The following NUMBL variants were observed in gnomAD, a reference collection of about 807,000 sequenced individuals.
NUMBL encodes NUMB like endocytic adaptor protein, also known as numb-like protein.
NUMBL carries 20 observed loss-of-function variants against 48.9 expected under a neutral mutation model. The ratio of observed to expected loss-of-function variants is 0.41; its 90% CI spans 0.29 to 0.59. The LOEUF (loss-of-function observed/expected upper bound fraction) is 0.59, where lower values mean the gene tolerates loss of function less well. Among genes scored for constraint, NUMBL ranks in the 20% least tolerant of loss-of-function variants. The probability of loss-of-function intolerance (pLI) is 0.31; values close to 1 mark genes in which losing one functional copy is unlikely to be tolerated. For synonymous variants in NUMBL, 340 were observed against 348.7 expected, an observed-to-expected ratio of 0.98 and a Z score of 0.28; for missense variants, 660 against 846.2, an observed-to-expected ratio of 0.78 and a Z score of 2.73.
chr19:40,669,955 T>C lies in NUMBL; in HGVS notation c.1102A>G (p.Ser368Gly). ...GCTCCAGCACTGGCAAAAGATGAACTGATCTGTGTGCACAGAGCGTTGATG... is the reference window on the plus strand; with the variant it reads ...GCTCCAGCACTGGCAAAAGATGAACCGATCTGTGTGCACAGAGCGTTGATG... Reference protein sequence around the residue: ...DSINALCTQISSSFASAGAPA... With the variant: ...DSINALCTQIGSSFASAGAPA... Residue 368 changes from serine to glycine, a missense_variant, in exon 9 of 10, where the codon AGT becomes GGT. Physicochemically the swap from Ser to Gly is moderately conservative, Grantham distance 56. Transcript: ENST00000252891. 6.2e-7 allele frequency: 1 copy of C among 1,614,090 alleles called. No individual in the cohort carries two copies. Among genetic ancestry groups the C allele is most frequent in the Non-Finnish European group, 8.5e-7 (1 of 1,179,964 alleles).
chr19:40,670,063 C>T, intron 8 of NUMBL, 43 bp from the exon 9 acceptor site: 1 of 1,599,170 alleles, frequency 6.3e-7, no homozygotes, highest in Non-Finnish European at 8.5e-7. Flanking sequence ...CAGGCCCAGA[C>T]CCTGCCGCAG....
At chr19:40,668,634 A>G (rs2081829973) in intron 9 of NUMBL, among the ~76,000 whole-genome samples, 1 of 151,776 alleles carries the variant, frequency 6.6e-6, no homozygotes, top group Non-Finnish European at 1.5e-5. Flanking sequence ...GATTTTTTGT[A>G]TTTTTAGTAG....
At chr19:40,678,848 C>T (rs568941059) in intron 6 of NUMBL, among the ~76,000 whole-genome samples, 2 of 152,240 alleles carry the variant, frequency 1.3e-5, no homozygotes, top group African/African-American at 4.8e-5. Flanking sequence ...CCTGTAATCC[C>T]AGGAGGCCGA....
chr19:40,682,813 G>A lies in NUMBL; in HGVS notation c.325-11C>T, dbSNP rs1359630787. The A allele has an allele frequency of 6.2e-7, 1 of 1,614,152 alleles. No individual in the cohort carries two copies. On this transcript the variant is annotated splice_polypyrimidine_tract_variant and intron_variant, in intron 4 of 9. Coordinates refer to ENST00000252891, the MANE Select transcript of NUMBL (RefSeq NM_004756.5). The surrounding 1 kb of genome is among the most constrained non-coding windows in gnomAD (Gnocchi z 4.0). ...GGACTTTCGGCCCATCTGGAGGGAGGCAAGGGGACAAAGGAGCCGGGTCAG... is the reference window on the plus strand; with the variant it reads ...GGACTTTCGGCCCATCTGGAGGGAGACAAGGGGACAAAGGAGCCGGGTCAG...
chr19:40,682,050 G>A lies in NUMBL; in HGVS notation c.399+678C>T, dbSNP rs978946128. Reference sequence around the variant, plus strand: ...TTCACAGGCTGATCTTGAACTCCTGGCTTCAAGGGGCCCTCCCAGCCAGGC... The same window carrying A: ...TTCACAGGCTGATCTTGAACTCCTGACTTCAAGGGGCCCTCCCAGCCAGGC... On this transcript the variant is annotated intron_variant, in intron 5 of 9. Transcript: ENST00000252891. This position sits in a 1 kb window ranked among gnomAD's most constrained non-coding sequence, Gnocchi z 4.0. Among the ~76,000 whole-genome samples, 2 of 152,100 alleles carry A rather than the reference G, an allele frequency of 1.3e-5. No homozygotes were observed. Among genetic ancestry groups the A allele is most frequent in the Non-Finnish European group, 2.9e-5 (2 of 68,018 alleles).
Position 40,667,312 on chromosome 19 carries a change from T to G in NUMBL, c.*156A>C. The G allele has an allele frequency of 1.5e-5, 16 of 1,043,536 alleles. No homozygotes were observed. The highest frequency in any genetic ancestry group is 3.4e-5 in the South Asian group (2 of 59,624). 64.6% of individuals were successfully genotyped at this position (1,043,536 alleles called of 1,614,324 possible). On this transcript the variant is annotated 3_prime_UTR_variant, in exon 10 of 10. Transcript: ENST00000252891. The surrounding 1 kb of genome is among the most constrained non-coding windows in gnomAD (Gnocchi z 6.1). ...CTGTTGCAACCTGGGCGTCACAATGTTGGTTCTGTAGTGGTTGTCGGGGTG... is the reference window on the plus strand; with the variant it reads ...CTGTTGCAACCTGGGCGTCACAATGGTGGTTCTGTAGTGGTTGTCGGGGTG...
In NUMBL at chr19:40,682,732, GTT is replaced by G; in HGVS notation, c.393_394del (p.Lys131AsnfsTer19). On this transcript the variant is annotated frameshift_variant, in exon 5 of 10. Transcript: ENST00000252891. LOFTEE classifies it high-confidence loss of function. This position sits in a 1 kb window ranked among gnomAD's most constrained non-coding sequence, Gnocchi z 4.0. ...CCACCCCCACAGGCCTCCTACCTTGGTTTTGTCGTCCACCACTCGGAGCCCAT... is the reference window on the plus strand; with the variant it reads ...CCACCCCCACAGGCCTCCTACCTTGGTTGTCGTCCACCACTCGGAGCCCAT... 6.2e-7 allele frequency: 1 copy of G among 1,614,102 alleles called. No individual in the cohort carries two copies. Among genetic ancestry groups the G allele is most frequent in the Middle Eastern group, 1.7e-4 (1 of 6,056 alleles).
In NUMBL at chr19:40,690,488, GGC is replaced by G; in HGVS notation, c.-7_-6del. On this transcript the variant is annotated 5_prime_UTR_variant, in exon 1 of 10. Coordinates refer to ENST00000252891, the MANE Select transcript of NUMBL (RefSeq NM_004756.5). ...GGCCGCCGCGCTGCGGGACATCCAG[GGC>G]CCGGGCGCCCCCGCCTCCCGCGGCC... The G allele has an allele frequency of 7.8e-7, 1 of 1,287,382 alleles. No homozygotes were observed. Among genetic ancestry groups the G allele is most frequent in the Non-Finnish European group, 9.8e-7 (1 of 1,015,446 alleles). The allele number at this position is 1,287,382 out of a possible 1,614,324, so 79.7% of individuals were successfully genotyped here.
In NUMBL at chr19:40,673,079, A is replaced by C. The variant is rs551485737; in HGVS notation, c.1036+265T>G. Among the ~76,000 whole-genome samples, 4 of 152,322 alleles carry C rather than the reference A, an allele frequency of 2.6e-5. No individual in the cohort carries two copies. The South Asian group carries it at 6.2e-4, about 24-fold the overall frequency. On this transcript the variant is annotated intron_variant, in intron 8 of 9. Transcript: ENST00000252891. The surrounding 1 kb of genome is among the most constrained non-coding windows in gnomAD (Gnocchi z 5.9). ...TTCTCCTTTTCCTTAACCACACCAGACATTGCTAACTGATCATAACTTGTG... is the reference window on the plus strand; with the variant it reads ...TTCTCCTTTTCCTTAACCACACCAGCCATTGCTAACTGATCATAACTTGTG...
rs2081941183 is a variant in NUMBL, at chr19:40,687,548, G to A, written c.25-553C>T. Among the ~76,000 whole-genome samples, 1 of 152,048 alleles carries A rather than the reference G, an allele frequency of 6.6e-6. No homozygotes were observed. The highest frequency in any genetic ancestry group is 1.9e-4 in the East Asian group (1 of 5,184). ...CACTCAGTTCCCACCGCAGACACCT[G>A]GTCACACCACCCACTGAAATTTGGT... On this transcript the variant is annotated intron_variant, in intron 1 of 9. Coordinates refer to ENST00000252891, the MANE Select transcript of NUMBL (RefSeq NM_004756.5). The surrounding 1 kb of genome is among the most constrained non-coding windows in gnomAD (Gnocchi z 4.6).
At position 40,667,227 on chromosome 19, in the gene NUMBL, C is replaced by G. The variant is rs567688266; in HGVS notation, c.*241G>C. The G allele has an allele frequency of 7.2e-6, 4 of 553,810 alleles. No individual in the cohort carries two copies. The East Asian group carries it at 1.3e-4, about 19-fold the overall frequency. The allele number at this position is 553,810 out of a possible 1,614,324, so 34.3% of individuals were successfully genotyped here. Reference sequence around the variant, plus strand: ...GGGTTGGGGAAGGGGGCATTGCCAGCCTAAGTCCGGCAGTGAAATGGTTCC... The same window carrying G: ...GGGTTGGGGAAGGGGGCATTGCCAGGCTAAGTCCGGCAGTGAAATGGTTCC... On this transcript the variant is annotated 3_prime_UTR_variant, in exon 10 of 10. Transcript: ENST00000252891. This position sits in a 1 kb window ranked among gnomAD's most constrained non-coding sequence, Gnocchi z 6.1.
intron 7 of NUMBL, among the ~76,000 whole-genome samples, chr19:40,675,051 G>A (rs1321575812): frequency 1.4e-5 from 2 of 143,560 alleles, no homozygotes; most frequent in Non-Finnish European, 3.0e-5. Context: ...GCTGAGGCAG[G>A]AGAATCGCTT....
chr19:40,673,884 C>T lies in NUMBL; in HGVS notation c.731-235G>A, dbSNP rs2081861379. Among the ~76,000 whole-genome samples the T allele has an allele frequency of 6.6e-6, 1 of 152,162 alleles. No homozygotes were observed. Among genetic ancestry groups the T allele is most frequent in the South Asian group, 2.1e-4 (1 of 4,830 alleles). ...AGGCTCACCCTCTGTGTCTCTCCAGCTTCCTGCCCCTTTCTGTCTTGCCCT... is the reference window on the plus strand; with the variant it reads ...AGGCTCACCCTCTGTGTCTCTCCAGTTTCCTGCCCCTTTCTGTCTTGCCCT... On this transcript the variant is annotated intron_variant, in intron 7 of 9. Coordinates refer to ENST00000252891, the MANE Select transcript of NUMBL (RefSeq NM_004756.5). The surrounding 1 kb of genome is among the most constrained non-coding windows in gnomAD (Gnocchi z 5.9).
At chr19:40,684,853 G>A (rs2081926306) in intron 2 of NUMBL, 1 of 381,000 alleles carries the variant, frequency 2.6e-6, no homozygotes. Context: ...CAGGGCATTG[G>A]AGGGCTTCTT....
intron 7 of NUMBL, among the ~76,000 whole-genome samples, chr19:40,676,427 G>A (rs1205493092): frequency 2.0e-5 from 3 of 152,002 alleles, no homozygotes; most frequent in African/African-American, 7.2e-5. Flanking sequence ...GCCAGCCACA[G>A]TACAGCAAAT....
chr19:40,677,525 G>A, intron 6 of NUMBL, 104 bp from the exon 7 acceptor site: 1 of 992,102 alleles, frequency 1.0e-6, no homozygotes, highest in Non-Finnish European at 1.5e-6. Flanking sequence ...CCCCGGATGA[G>A]TCTCTGCACT....
chr19:40,670,570 C>T (rs1010087578), intron 8 of NUMBL, among the ~76,000 whole-genome samples: 7 of 151,864 alleles, frequency 4.6e-5, no homozygotes, highest in East Asian at 1.9e-4. Context: ...AGCAAAGGTA[C>T]CATCCAAATA....
rs753745189 is a variant in NUMBL at position 40,677,441 on chromosome 19, G to A, written c.541-20C>T. On this transcript the variant is annotated intron_variant, in intron 6 of 9. Transcript: ENST00000252891. ...CTCGCCCTATGGGGAGAGGATGGGC[G>A]GGGGGGTTAGAGGCGCTGGGCAGTG... 1.1e-5 allele frequency: 18 copies of A among 1,596,758 alleles called. No homozygotes were observed. Among genetic ancestry groups the A allele is most frequent in the Admixed American group, 6.7e-5 (4 of 59,414 alleles).
intron 8 of NUMBL, among the ~76,000 whole-genome samples, chr19:40,670,398 C>A (rs985481985): frequency 6.6e-6 from 1 of 152,190 alleles, no homozygotes; most frequent in African/African-American, 2.4e-5. Context: ...CATGGCCGCT[C>A]ACTGGCTGGG....
Sources: gnomAD v4.1 joint callset for allele counts (sites outside exome capture counted in the v4.1 genomes callset) on GRCh38, gnomAD v4.1.1 for gene constraint, Gnocchi (gnomAD v3.1) non-coding constraint, MANE v1.5 for transcripts, NCBI Gene and HGNC (gene_info 2026-07-23, HGNC 2026-07-21) for gene names.